Variants in CARD9 observed in about 807,000 individuals in gnomAD.
CARD9 encodes caspase recruitment domain-containing protein 9.
A neutral mutation model predicts 66.0 loss-of-function variants in CARD9; 53 were observed. That is an observed-to-expected ratio of 0.80 (90% CI 0.64 to 1.01). The LOEUF (loss-of-function observed/expected upper bound fraction) is 1.01, where lower values mean the gene tolerates loss of function less well. CARD9 is among the 50% of genes least tolerant of loss of function. The probability of loss-of-function intolerance (pLI) is 0.00; values close to 1 mark genes in which losing one functional copy is unlikely to be tolerated. For synonymous variants in CARD9, 387 were observed against 313.8 expected (o/e 1.23, Z -2.47); for missense variants, 769 against 743.2 (o/e 1.03, Z -0.40).
intron 4 of CARD9, 60 bp downstream of exon 4, chr9:136,370,781 C>T (rs752451970): frequency 5.0e-6 from 8 of 1,603,668 alleles, no homozygotes; most frequent in Admixed American, 3.4e-5. Flanking sequence ...ACCGCCCCGG[C>T]CTGCAGACCC....
Position 136,370,659 on chromosome 9 carries a change from A to C in CARD9, c.670T>G (p.Cys224Gly). Residue 224 changes from cysteine to glycine, a missense_variant, in exon 5 of 13, where the codon TGC becomes GGC. Cys to Gly is a radical substitution (Grantham distance 159). Coordinates refer to ENST00000371732, the MANE Select transcript of CARD9 (RefSeq NM_052813.5). ...AGCGTGTGCTTGCGCTCCACCTTGC[A>C]GTCGTCCTCGGCCTTCATGAGGCTG... Reference protein sequence around the residue: ...KHSLMKAEDDCKVERKHTLKL... With the variant: ...KHSLMKAEDDGKVERKHTLKL... 1.9e-6 allele frequency: 3 copies of C among 1,612,784 alleles called. No homozygotes were observed. Among genetic ancestry groups the C allele is most frequent in the Non-Finnish European group, 2.5e-6 (3 of 1,179,908 alleles).
chr9:136,373,525 C>G lies in CARD9; in HGVS notation c.-17+7G>C, dbSNP rs989405317. 5 of 985,630 alleles carry G rather than the reference C, an allele frequency of 5.1e-6. No individual in the cohort carries two copies. In the African/African-American group the frequency reaches 7.0e-5, roughly 14 times the overall value. The allele number at this position is 985,630 out of a possible 1,614,324, so 61.1% of individuals were successfully genotyped here. A position where few individuals can be genotyped will look rare whatever the true frequency, so the allele number is the denominator to read the frequency against. On this transcript the variant is annotated splice_region_variant and intron_variant, in intron 1 of 12. Transcript: ENST00000371732. ...GCCACCTTTCAGAAAGCACCAGACCCACCCACCTGAGGGTCTTCCAGGAGC... is the reference window on the plus strand; with the variant it reads ...GCCACCTTTCAGAAAGCACCAGACCGACCCACCTGAGGGTCTTCCAGGAGC...
At chr9:136,366,737 T>C in intron 10 of CARD9, 63 bp downstream of exon 10, 14 of 1,570,984 alleles carry the variant, frequency 8.9e-6, no homozygotes, top group Non-Finnish European at 1.1e-5. Context: ...CTGCCTGTGC[T>C]GAAGATGGGC....
rs762536086 is a variant in CARD9, at chr9:136,371,920, G to T, written c.159C>A (p.Asn53Lys). The T allele has an allele frequency of 6.2e-7, 1 of 1,607,058 alleles. No individual in the cohort carries two copies. Among genetic ancestry groups the T allele is most frequent in the Non-Finnish European group, 8.5e-7 (1 of 1,175,228 alleles). The stretch of plus-strand genomic sequence containing the variant: ...CCACTTTCCGTTTGCGGATGACCAG[G>T]TTGGGGTCGCTGAGCACCTGCTCCT... ...DDEEQVLSDP[N>K]LVIRKRKVGV... Residue 53 changes from asparagine (N) to lysine (K), a missense_variant, in exon 2 of 13, where the codon AAC becomes AAA. Coordinates refer to ENST00000371732, the MANE Select transcript of CARD9 (RefSeq NM_052813.5).
chr9:136,370,013 C>T, intron 6 of CARD9, 138 bp from the exon 7 acceptor site: 1 of 1,492,080 alleles, frequency 6.7e-7, no homozygotes. Flanking sequence ...GTCCCCAGGC[C>T]CCTACCAGCC....
Position 136,372,057 on chromosome 9 carries a change from C to T in CARD9, c.22G>A (p.Asp8Asn). 5 of 1,612,756 alleles carry T rather than the reference C, an allele frequency of 3.1e-6. No individual in the cohort carries two copies. The highest frequency in any genetic ancestry group is 4.2e-6 in the Non-Finnish European group (5 of 1,179,982). The stretch of plus-strand genomic sequence containing the variant: ...CCCTCCAGGACGCTCCAGCACTCGT[C>T]ATCGTTCTCGTAGTCCGACATGGCC... MSDYEND[D>N]ECWSVLEGFR... is the part of the protein sequence containing the mutation. Residue 8 changes from aspartate (D) to asparagine (N), a missense_variant, in exon 2 of 13, where the codon GAC becomes AAC. Asp to Asn is a conservative substitution (Grantham distance 23). Coordinates refer to ENST00000371732, the MANE Select transcript of CARD9 (RefSeq NM_052813.5).
intron 10 of CARD9, 125 bp downstream of exon 10, chr9:136,366,675 C>T (rs1588721032): frequency 9.7e-7 from 1 of 1,030,170 alleles, no homozygotes; most frequent in East Asian, 2.4e-5. Flanking sequence ...CCCCAGTTTC[C>T]CTGTCTGTGG....
At chr9:136,364,781 G>A (rs1419786521) in intron 11 of CARD9, 4 of 607,456 alleles carry the variant, frequency 6.6e-6, no homozygotes, top group Non-Finnish European at 1.2e-5. Context: ...CACCCAGGAG[G>A]CCAAGCCACG....
rs1833155066 is a variant in CARD9 at position 136,367,630 on chromosome 9, G to A, written c.1269+7C>T. The A allele has an allele frequency of 1.3e-6, 2 of 1,576,448 alleles. No individual in the cohort carries two copies. Among genetic ancestry groups the A allele is most frequent in the Admixed American group, 1.7e-5 (1 of 57,198 alleles). ...GCTCCCCTCCCTGCCGCAGGCCCCA[G>A]GCCCACCAGGACGAGCGTCTCCAGC... On this transcript the variant is annotated splice_region_variant and intron_variant, in intron 8 of 12. Coordinates refer to ENST00000371732, the MANE Select transcript of CARD9 (RefSeq NM_052813.5).
chr9:136,365,510 C>G (rs562012108), intron 10 of CARD9: 1 of 530,760 alleles, frequency 1.9e-6, no homozygotes, highest in South Asian at 2.1e-5. Context: ...CCTCCCAGAC[C>G]TCGGGGGAAC....
intron 10 of CARD9, 196 bp downstream of exon 10, chr9:136,366,604 G>A: frequency 1.6e-6 from 1 of 638,624 alleles, no homozygotes; most frequent in Non-Finnish European, 2.8e-6. Context: ...GGGGCCCTGG[G>A]TTCCAGCTGG....
In CARD9 at chr9:136,370,817, G is replaced by T. The variant is rs1031537800; in HGVS notation, c.627+24C>A. 6.9e-6 allele frequency: 11 copies of T among 1,594,814 alleles called. 1 individual carries two copies. In the South Asian group the frequency reaches 8.9e-5, roughly 13 times the overall value. ...CGCCAGGCCAGGCGAGGGTGGCCTG[G>T]TTTCCCGGGGGCAGCGGGCGCACCT... On this transcript the variant is annotated intron_variant, in intron 4 of 12. Coordinates refer to ENST00000371732, the MANE Select transcript of CARD9 (RefSeq NM_052813.5).
At chr9:136,372,252 A>C (rs1833295133) in intron 1 of CARD9, among the ~76,000 whole-genome samples, 158 bp from the exon 2 acceptor site, 1 of 152,132 alleles carries the variant, frequency 6.6e-6, no homozygotes, top group Admixed American at 6.5e-5. Flanking sequence ...TCCATGTCCC[A>C]TCCCCACGCT....
intron 8 of CARD9, 181 bp from the exon 9 acceptor site, chr9:136,367,438 C>G: frequency 1.1e-6 from 1 of 926,056 alleles, no homozygotes; most frequent in South Asian, 1.6e-5. Flanking sequence ...CAGGACCCAC[C>G]CCGGCCCTGC....
At chr9:136,373,068 T>G (rs1445758158) in intron 1 of CARD9, among the ~76,000 whole-genome samples, 1 of 152,226 alleles carries the variant, frequency 6.6e-6, no homozygotes, top group Non-Finnish European at 1.5e-5. Context: ...GCGGCAAGGC[T>G]GGGAGCAGCC....
Position 136,364,083 on chromosome 9 carries a change from G to T in CARD9, c.*219C>A. 6.5e-7 allele frequency: 1 copy of T among 1,549,976 alleles called. No individual in the cohort carries two copies. Among genetic ancestry groups the T allele is most frequent in the Non-Finnish European group, 8.7e-7 (1 of 1,146,414 alleles). ...AGTTACACAGATGGCGTGTGCATGG[G>T]GGTGGTGAGCACCCGCATGGCCTCC... On this transcript the variant is annotated 3_prime_UTR_variant, in exon 13 of 13. Coordinates refer to ENST00000371732, the MANE Select transcript of CARD9 (RefSeq NM_052813.5).
chr9:136,369,073 C>T (rs945902460), intron 7 of CARD9, among the ~76,000 whole-genome samples: 1 of 152,050 alleles, frequency 6.6e-6, no homozygotes, highest in Non-Finnish European at 1.5e-5. Flanking sequence ...GCCTGCCTCG[C>T]CCTCCTAGAG....
intron 11 of CARD9, 115 bp downstream of exon 11, chr9:136,365,026 C>G (rs1176029046): frequency 4.6e-5 from 45 of 973,468 alleles, no homozygotes; most frequent in Non-Finnish European, 6.8e-5. Context: ...TGTGGTCACT[C>G]CTCAGCTGTC....
intron 9 of CARD9, 132 bp from the exon 10 acceptor site, chr9:136,366,977 G>C (rs908160382): frequency 1.7e-6 from 2 of 1,165,836 alleles, no homozygotes; most frequent in Admixed American, 3.7e-5. Context: ...GAGCTTCTCA[G>C]AGACTCAGGT....
Sources: allele counts gnomAD v4.1 joint callset (sites outside exome capture counted in the v4.1 genomes callset), GRCh38; gene constraint gnomAD v4.1.1; transcripts MANE v1.5; gene names NCBI Gene and HGNC (gene_info 2026-07-23, HGNC 2026-07-21).